The following ZNF891 variants were observed in gnomAD, a reference collection of about 807,000 sequenced individuals.
ZNF891 encodes zinc finger protein 891, also known as hCG1646157.
For synonymous variants in ZNF891, 199 were observed against 209.0 expected (o/e 0.95, Z 0.41); for missense variants, 589 against 632.7 (o/e 0.93, Z 0.74).
Position 133,121,468 on chromosome 12 carries a change from T to G in ZNF891, c.451A>C (p.Thr151Pro), listed in dbSNP as rs1250265818. 2.6e-6 allele frequency: 4 copies of G among 1,536,194 alleles called. No homozygotes were observed. Among genetic ancestry groups the G allele is most frequent in the Middle Eastern group, 3.3e-4 (2 of 5,990 alleles). The change falls in exon 2 of 2, where the codon ACA becomes CCA. Residue 151 changes from threonine (T) to proline (P), a missense_variant. Coordinates refer to ENST00000537226, the MANE Select transcript of ZNF891 (RefSeq NM_001277291.2). ...IKLTMHNWSS[T>P]LREDWECHKI... ...TGGCATTCCCAGTCTTCTCTTAATGTGGAGGACCAATTATGCATTGTGAGT... is the reference window on the plus strand; with the variant it reads ...TGGCATTCCCAGTCTTCTCTTAATGGGGAGGACCAATTATGCATTGTGAGT...
At chr12:133,127,424 G>T (rs569806256) in intron 1 of ZNF891, among the ~76,000 whole-genome samples, 2 of 152,278 alleles carry the variant, frequency 1.3e-5, no homozygotes, top group East Asian at 3.9e-4. Flanking sequence ...AACAAGGTAT[G>T]AAATAGGACT....
chr12:133,124,453 T>C (rs979523517), intron 1 of ZNF891, among the ~76,000 whole-genome samples: 1 of 152,106 alleles, frequency 6.6e-6, no homozygotes, highest in Non-Finnish European at 1.5e-5. Flanking sequence ...TATAAGTCCT[T>C]GATCTGAAAG....
rs1329125463 is a variant in ZNF891, at chr12:133,106,066, T to C, written c.*14218A>G. ...GCCGTGCCTCCAACCTCACTCGACA[T>C]CAAAGAATTCACATAGGAAAGAAAC... On this transcript the variant is annotated 3_prime_UTR_variant, in exon 2 of 2. Coordinates refer to ENST00000537226, the MANE Select transcript of ZNF891 (RefSeq NM_001277291.2). The C allele has an allele frequency of 1.9e-6, 3 of 1,613,976 alleles. No individual in the cohort carries two copies. Among genetic ancestry groups the C allele is most frequent in the Admixed American group, 3.3e-5 (2 of 59,994 alleles).
In ZNF891 at chr12:133,117,102, A is replaced by G. The variant is rs1023837190; in HGVS notation, c.*3182T>C. 6.6e-6 allele frequency: 1 copy of G among 152,196 alleles called. No homozygotes were observed. Among genetic ancestry groups the G allele is most frequent in the Non-Finnish European group, 1.5e-5 (1 of 68,048 alleles). 9.4% of individuals were successfully genotyped at this position (152,196 alleles called of 1,614,324 possible). A position where few individuals can be genotyped will look rare whatever the true frequency, so the allele number is the denominator to read the frequency against. Reference sequence around the variant, plus strand: ...GTCTTCTCCACTGATGGCTCTATTGATAACTTGGAAGGACTTTCAAATACA... The same window carrying G: ...GTCTTCTCCACTGATGGCTCTATTGGTAACTTGGAAGGACTTTCAAATACA... On this transcript the variant is annotated 3_prime_UTR_variant, in exon 2 of 2. Transcript: ENST00000537226.
rs1276203311 is a variant in ZNF891 at position 133,113,620 on chromosome 12, T to G, written c.*6664A>C. On this transcript the variant is annotated 3_prime_UTR_variant, in exon 2 of 2. Coordinates refer to ENST00000537226, the MANE Select transcript of ZNF891 (RefSeq NM_001277291.2). The stretch of plus-strand genomic sequence containing the variant: ...AATATTGTTACTTATACATGAAAAA[T>G]CCTTTTATAAAATCTCAGTTTAAAA... 1 of 152,224 alleles carries G rather than the reference T, an allele frequency of 6.6e-6. No individual in the cohort carries two copies. Among genetic ancestry groups the G allele is most frequent in the African/African-American group, 2.4e-5 (1 of 41,462 alleles). 9.4% of individuals were successfully genotyped at this position (152,224 alleles called of 1,614,324 possible).
intron 1 of ZNF891, among the ~76,000 whole-genome samples, chr12:133,127,495 C>T (rs2137627664): frequency 6.6e-6 from 1 of 152,320 alleles, no homozygotes; most frequent in South Asian, 2.1e-4. Context: ...TTTCAAAATT[C>T]TAATGGAAAG....
At chr12:133,125,859 C>A in intron 1 of ZNF891, 1 of 504,204 alleles carries the variant, frequency 2.0e-6, no homozygotes, top group Non-Finnish European at 4.0e-6. Context: ...AAGGTCAACA[C>A]CTTGATCAGG....
rs1413767844 is a variant in ZNF891, at chr12:133,115,587, G to C, written c.*4697C>G. 1 of 151,996 alleles carries C rather than the reference G, an allele frequency of 6.6e-6. No individual in the cohort carries two copies. Among genetic ancestry groups the C allele is most frequent in the African/African-American group, 2.4e-5 (1 of 41,378 alleles). 9.4% of individuals were successfully genotyped at this position (151,996 alleles called of 1,614,324 possible). A position where few individuals can be genotyped will look rare whatever the true frequency, so the allele number is the denominator to read the frequency against. ...ATTGTTTTCTCCTATGCATGTATTA[G>C]TTTTATTATTAAAAACCACAAAGTT... On this transcript the variant is annotated 3_prime_UTR_variant, in exon 2 of 2. Transcript: ENST00000537226.
Position 133,121,948 on chromosome 12 carries a change from G to A in ZNF891, c.-30C>T. The A allele has an allele frequency of 2.7e-6, 4 of 1,493,774 alleles. No homozygotes were observed. The highest frequency in any genetic ancestry group is 2.7e-6 in the Non-Finnish European group (3 of 1,125,184). 92.5% of individuals were successfully genotyped at this position (1,493,774 alleles called of 1,614,324 possible). On this transcript the variant is annotated 5_prime_UTR_variant, in exon 2 of 2. Coordinates refer to ENST00000537226, the MANE Select transcript of ZNF891 (RefSeq NM_001277291.2). ...TGAGTACATAAGCCTGCACAGTAGA[G>A]TAGAGAGATCAGGATGTTTCTGTTC...
rs1311982354 is a variant in ZNF891, at chr12:133,104,915, C to A, written c.*15369G>T. The stretch of plus-strand genomic sequence containing the variant: ...GTCACCCAGGTAATCAGCATAATGC[C>A]CAATAGTCAGGTTTTTAATCCTTAC... On this transcript the variant is annotated 3_prime_UTR_variant, in exon 2 of 2. Coordinates refer to ENST00000537226, the MANE Select transcript of ZNF891 (RefSeq NM_001277291.2). Among the ~76,000 whole-genome samples, 1 of 151,988 alleles carries A rather than the reference C, an allele frequency of 6.6e-6. No homozygotes were observed. Among genetic ancestry groups the A allele is most frequent in the Non-Finnish European group, 1.5e-5 (1 of 68,016 alleles).
In ZNF891 at chr12:133,107,592, G is replaced by A. The variant is rs1955642192; in HGVS notation, c.*12692C>T. 6.6e-6 allele frequency: 1 copy of A among 152,162 alleles called. No homozygotes were observed. The highest frequency in any genetic ancestry group is 2.1e-4 in the South Asian group (1 of 4,832). The allele number at this position is 152,162 out of a possible 1,614,324, so 9.4% of individuals were successfully genotyped here. A position where few individuals can be genotyped will look rare whatever the true frequency, so the allele number is the denominator to read the frequency against. On this transcript the variant is annotated 3_prime_UTR_variant, in exon 2 of 2. Coordinates refer to ENST00000537226, the MANE Select transcript of ZNF891 (RefSeq NM_001277291.2). ...ACTTTCAGACAGAGTTTGGATTTAAGGTAATGCTGACAGTTATCCTTGAAT... is the reference window on the plus strand; with the variant it reads ...ACTTTCAGACAGAGTTTGGATTTAAAGTAATGCTGACAGTTATCCTTGAAT...
rs1407216325 is a variant in ZNF891, at chr12:133,113,075, T to C, written c.*7209A>G. The C allele has an allele frequency of 6.8e-6, 1 of 146,790 alleles. No homozygotes were observed. The highest frequency in any genetic ancestry group is 2.0e-4 in the East Asian group (1 of 5,124). 9.1% of individuals were successfully genotyped at this position (146,790 alleles called of 1,614,324 possible). ...CTCTGTCTCAAAAAATATATATATA[T>C]ATATTTATATTTATTTATTAAAAAT... On this transcript the variant is annotated 3_prime_UTR_variant, in exon 2 of 2. Coordinates refer to ENST00000537226, the MANE Select transcript of ZNF891 (RefSeq NM_001277291.2).
In ZNF891 at chr12:133,119,740, G is replaced by C. The variant is rs1415096728; in HGVS notation, c.*544C>G. 1 of 152,492 alleles carries C rather than the reference G, an allele frequency of 6.6e-6. No individual in the cohort carries two copies. Among genetic ancestry groups the C allele is most frequent in the Non-Finnish European group, 1.5e-5 (1 of 68,312 alleles). The allele number at this position is 152,492 out of a possible 1,614,324, so 9.4% of individuals were successfully genotyped here. Reference sequence around the variant, plus strand: ...AGCTTCAGGAATGGCCAATTCATAGGGACAAAGATGAAGTGCAAAAAGTAG... The same window carrying C: ...AGCTTCAGGAATGGCCAATTCATAGCGACAAAGATGAAGTGCAAAAAGTAG... On this transcript the variant is annotated 3_prime_UTR_variant, in exon 2 of 2. Coordinates refer to ENST00000537226, the MANE Select transcript of ZNF891 (RefSeq NM_001277291.2).
rs1258758365 is a variant in ZNF891, at chr12:133,120,170, TA to T, written c.*113del. ...TTAGTATTTACAGAAAATGTTATAT[TA>T]AAAAAAGAGCCATTTGTAACCTTAA... On this transcript the variant is annotated 3_prime_UTR_variant, in exon 2 of 2. Transcript: ENST00000537226. 11 of 815,968 alleles carry T rather than the reference TA, an allele frequency of 1.3e-5. No individual in the cohort carries two copies. The highest frequency in any genetic ancestry group is 2.0e-5 in the Non-Finnish European group (11 of 555,364). 50.5% of individuals were successfully genotyped at this position (815,968 alleles called of 1,614,324 possible).
chr12:133,108,575 T>A lies in ZNF891; in HGVS notation c.*11709A>T, dbSNP rs774996668. The stretch of plus-strand genomic sequence containing the variant: ...ACCTCTATAACTGAAGAGTTTAATA[T>A]ACAGCCATAAAGGTTAAACATTTAC... On this transcript the variant is annotated 3_prime_UTR_variant, in exon 2 of 2. Coordinates refer to ENST00000537226, the MANE Select transcript of ZNF891 (RefSeq NM_001277291.2). 2 of 152,164 alleles carry A rather than the reference T, an allele frequency of 1.3e-5. No individual in the cohort carries two copies. Among genetic ancestry groups the A allele is most frequent in the Non-Finnish European group, 2.9e-5 (2 of 68,026 alleles). 9.4% of individuals were successfully genotyped at this position (152,164 alleles called of 1,614,324 possible).
Position 133,120,933 on chromosome 12 carries a change from A to G in ZNF891, c.986T>C (p.Phe329Ser). The G allele has an allele frequency of 6.5e-7, 1 of 1,536,498 alleles. No homozygotes were observed. The highest frequency in any genetic ancestry group is 8.7e-7 in the Non-Finnish European group (1 of 1,146,860). ...KHECNQCGKA[F>S]KRISNLTLYK... Reference sequence around the variant, plus strand: ...TAAAGTAAGATTAGAAATCCTTTTGAAGGCTTTTCCACATTGATTGCATTC... The same window carrying G: ...TAAAGTAAGATTAGAAATCCTTTTGGAGGCTTTTCCACATTGATTGCATTC... The change falls in exon 2 of 2, where the codon TTC becomes TCC. Residue 329 changes from phenylalanine (F) to serine (S), a missense_variant. Transcript: ENST00000537226.
rs1955728126 is a variant in ZNF891 at position 133,118,453 on chromosome 12, C to T, written c.*1831G>A. On this transcript the variant is annotated 3_prime_UTR_variant, in exon 2 of 2. Coordinates refer to ENST00000537226, the MANE Select transcript of ZNF891 (RefSeq NM_001277291.2). ...TTATATCTCTATCTAGACACCTCCTCAATTCTAGAATTGCGTACCAACCTC... is the reference window on the plus strand; with the variant it reads ...TTATATCTCTATCTAGACACCTCCTTAATTCTAGAATTGCGTACCAACCTC... The T allele has an allele frequency of 6.6e-6, 1 of 152,200 alleles. No individual in the cohort carries two copies. The highest frequency in any genetic ancestry group is 2.4e-5 in the African/African-American group (1 of 41,452). 9.4% of individuals were successfully genotyped at this position (152,200 alleles called of 1,614,324 possible). A position where few individuals can be genotyped will look rare whatever the true frequency, so the allele number is the denominator to read the frequency against.
chr12:133,123,087 G>A lies in ZNF891; in HGVS notation c.-106-1063C>T, dbSNP rs144641659. On this transcript the variant is annotated intron_variant, in intron 1 of 1. Coordinates refer to ENST00000537226, the MANE Select transcript of ZNF891 (RefSeq NM_001277291.2). ...CTTTTGGAAGACTAGGTAGTTAACC[G>A]TCAAATGCAAGTCTTTTCTGTGAAT... Among the ~76,000 whole-genome samples, 599 of 152,202 alleles carry A rather than the reference G, an allele frequency of 3.9e-3. 2 individuals are homozygous for A. Among genetic ancestry groups the A allele is most frequent in the African/African-American group, 0.011 (470 of 41,526 alleles).
Position 133,121,931 on chromosome 12 carries a change from T to C in ZNF891, c.-13A>G. On this transcript the variant is annotated 5_prime_UTR_variant, in exon 2 of 2. It removes an upstream start codon present in the reference 5' UTR. Coordinates refer to ENST00000537226, the MANE Select transcript of ZNF891 (RefSeq NM_001277291.2). ...CCATAACTGCCATTTTATGAGTACATAAGCCTGCACAGTAGAGTAGAGAGA... is the reference window on the plus strand; with the variant it reads ...CCATAACTGCCATTTTATGAGTACACAAGCCTGCACAGTAGAGTAGAGAGA... The C allele has an allele frequency of 6.6e-7, 1 of 1,525,588 alleles. No homozygotes were observed. Among genetic ancestry groups the C allele is most frequent in the Non-Finnish European group, 8.8e-7 (1 of 1,141,566 alleles). The allele number at this position is 1,525,588 out of a possible 1,614,324, so 94.5% of individuals were successfully genotyped here.
Sources: allele counts gnomAD v4.1 joint callset (sites outside exome capture counted in the v4.1 genomes callset), GRCh38; gene constraint gnomAD v4.1.1; transcripts MANE v1.5; gene names NCBI Gene and HGNC (gene_info 2026-07-23, HGNC 2026-07-21).